Variants in SPEG observed in about 807,000 individuals in gnomAD.
SPEG encodes striated muscle preferentially expressed protein kinase.
SPEG carries 114 observed loss-of-function variants against 300.4 expected under a neutral mutation model. The ratio of observed to expected loss-of-function variants is 0.38; its 90% CI spans 0.33 to 0.44. SPEG has a LOEUF of 0.44. Ranked by LOEUF, SPEG falls within the 20% of genes least tolerant of loss-of-function variation. The pLI is 1.00. For synonymous variants in SPEG, 1,964 were observed against 2,018.9 expected, an observed-to-expected ratio of 0.97 and a Z score of 0.73; for missense variants, 4,201 against 4,586.2, an observed-to-expected ratio of 0.92 and a Z score of 2.43.
chr2:219,485,069 T>A lies in SPEG; in HGVS notation c.7606T>A (p.Ser2536Thr), dbSNP rs1028052741. ...CGAGGCCAGCGCCACGTCGGGCTCC[T>A]CAGGTGAGGAGGGGCAGGGGTAGGG... ...GSEASATSGS[S>T]APGESRSRLR... The change falls in exon 30 of 41, where the codon TCA becomes ACA. Residue 2536 changes from serine to threonine, a missense_variant. Ser to Thr is a moderately conservative substitution (Grantham distance 58, BLOSUM62 1). This residue lies in a region of SPEG where 1,578 missense variants were observed against 1,506.0 expected (regional missense o/e 1.05). Coordinates refer to ENST00000312358, the MANE Select transcript of SPEG (RefSeq NM_005876.5). The A allele has an allele frequency of 6.5e-7, 1 of 1,531,898 alleles. No homozygotes were observed. The highest frequency in any genetic ancestry group is 8.7e-7 in the Non-Finnish European group (1 of 1,145,826). 94.9% of individuals were successfully genotyped at this position (1,531,898 alleles called of 1,614,324 possible).
chr2:219,450,519 C>T (rs777540615), intron 4 of SPEG, among the ~76,000 whole-genome samples: 3 of 152,206 alleles, frequency 2.0e-5, no homozygotes, highest in Non-Finnish European at 4.4e-5. Flanking sequence ...AAGCAGGGAC[C>T]ACTGGTCCTT....
Position 219,484,137 on chromosome 2 carries a change from C to T in SPEG, c.6674C>T (p.Ala2225Val), listed in dbSNP as rs200434656. 2.2e-5 allele frequency: 35 copies of T among 1,613,528 alleles called. No homozygotes were observed. The highest frequency in any genetic ancestry group is 1.7e-6 in the Non-Finnish European group (2 of 1,179,944). ...GAGCCCAGGCCAGAACCAGTCCGAG[C>T]CTCCAAGCCTGCACCACCCCCCCAG... ...APEPRPEPVRASKPAPPPQAL... is the reference protein window; with the variant it reads ...APEPRPEPVRVSKPAPPPQAL... Residue 2225 changes from alanine (A) to valine (V), a missense_variant, in exon 30 of 41, where the codon GCC (alanine) becomes GTC (valine). By Grantham distance (64) the Ala-to-Val change is moderately conservative. Transcript: ENST00000312358.
In SPEG at chr2:219,452,650, C is replaced by T. The variant is rs114397515; in HGVS notation, c.2440+843C>T. On this transcript the variant is annotated intron_variant, in intron 6 of 40. Transcript: ENST00000312358. ...AGTGCGGAGCAGATGGATCTAGTGCCGAGGACATCCGAGCCGTTGCTTAGT... is the reference window on the plus strand; with the variant it reads ...AGTGCGGAGCAGATGGATCTAGTGCTGAGGACATCCGAGCCGTTGCTTAGT... Among the ~76,000 whole-genome samples, 1,380 of 152,066 alleles carry T rather than the reference C, an allele frequency of 9.1e-3. 15 individuals carry two copies. The highest frequency in any genetic ancestry group is 0.032 in the African/African-American group (1,321 of 41,472).
At position 219,480,115 on chromosome 2, in the gene SPEG, C is replaced by T. The variant is rs756835174; in HGVS notation, c.5317C>T (p.Pro1773Ser). The T allele has an allele frequency of 3.1e-6, 5 of 1,613,936 alleles. No homozygotes were observed. In the East Asian group the frequency reaches 1.1e-4, roughly 36 times the overall value. ...AGCACCCGAGATTGTCAATCAGAGC[C>T]CCGTGTCTGGAGTCACTGACATCTG... The part of the protein sequence containing the change: ...FVAPEIVNQS[P>S]VSGVTDIWPV... Residue 1773 changes from proline (P) to serine (S), a missense_variant, in exon 25 of 41, where the codon CCC becomes TCC. Pro to Ser is a moderately conservative substitution (Grantham distance 74). Coordinates refer to ENST00000312358, the MANE Select transcript of SPEG (RefSeq NM_005876.5). This position sits in a 1 kb window ranked among gnomAD's most constrained non-coding sequence, Gnocchi z 5.3.
intron 1 of SPEG, among the ~76,000 whole-genome samples, chr2:219,436,094 C>T (rs769481721): frequency 1.4e-4 from 21 of 152,214 alleles, no homozygotes; most frequent in Admixed American, 1.2e-3. Flanking sequence ...TGGGAAGCTC[C>T]TGGACCATGT....
chr2:219,477,796 A>G lies in SPEG; in HGVS notation c.4826+11A>G. 6.2e-7 allele frequency: 1 copy of G among 1,601,076 alleles called. No homozygotes were observed. The highest frequency in any genetic ancestry group is 8.5e-7 in the Non-Finnish European group (1 of 1,171,770). On this transcript the variant is annotated intron_variant, in intron 21 of 40. Coordinates refer to ENST00000312358, the MANE Select transcript of SPEG (RefSeq NM_005876.5). The surrounding 1 kb of genome is among the most constrained non-coding windows in gnomAD (Gnocchi z 6.4). ...CCAGGAGATCGGCAGGTGTGGGGCTAGGAGGGAAGCCAGTGGGGGCCGAGA... is the reference window on the plus strand; with the variant it reads ...CCAGGAGATCGGCAGGTGTGGGGCTGGGAGGGAAGCCAGTGGGGGCCGAGA...
rs1255478129 is a variant in SPEG at position 219,488,633 on chromosome 2, G to A, written c.7994G>A (p.Ser2665Asn). 11 of 1,608,930 alleles carry A rather than the reference G, an allele frequency of 6.8e-6. No homozygotes were observed. In the Admixed American group the frequency reaches 1.8e-4, roughly 27 times the overall value. Residue 2665 changes from serine (S) to asparagine (N), a missense_variant, in exon 33 of 41, where the codon AGC becomes AAC. By Grantham distance (46) the Ser-to-Asn change is conservative (BLOSUM62 1). Transcript: ENST00000312358. ...YECSATNVLG[S>N]ITSSCTVAVA... ...TGCTCGGCCACCAACGTACTGGGCAGCATCACCAGCTCCTGTACCGTGGCT... is the reference window on the plus strand; with the variant it reads ...TGCTCGGCCACCAACGTACTGGGCAACATCACCAGCTCCTGTACCGTGGCT...
At position 219,492,712 on chromosome 2, in the gene SPEG, G is replaced by C; in HGVS notation, c.9730G>C (p.Glu3244Gln). The change falls in exon 41 of 41, where the codon GAG becomes CAG. Residue 3244 changes from glutamate to glutamine, a missense_variant. By Grantham distance (29) the Glu-to-Gln change is conservative. Coordinates refer to ENST00000312358, the MANE Select transcript of SPEG (RefSeq NM_005876.5). ...TTNRLKEFLG[E>Q]QRRRRAEAAT... Reference sequence around the variant, plus strand: ...CAACCGGCTCAAGGAGTTCCTGGGCGAGCAGCGGCGGCGCCGGGCTGAGGC... The same window carrying C: ...CAACCGGCTCAAGGAGTTCCTGGGCCAGCAGCGGCGGCGCCGGGCTGAGGC... 1 of 1,605,252 alleles carries C rather than the reference G, an allele frequency of 6.2e-7. No individual in the cohort carries two copies. The highest frequency in any genetic ancestry group is 8.5e-7 in the Non-Finnish European group (1 of 1,179,524).
In SPEG at chr2:219,484,786, C is replaced by A. The variant is rs1456436862; in HGVS notation, c.7323C>A (p.Gly2441=). 16 of 1,468,010 alleles carry A rather than the reference C, an allele frequency of 1.1e-5. No individual in the cohort carries two copies. Among genetic ancestry groups the A allele is most frequent in the Non-Finnish European group, 1.3e-5 (15 of 1,120,684 alleles). The allele number at this position is 1,468,010 out of a possible 1,614,324, so 90.9% of individuals were successfully genotyped here. A position where few individuals can be genotyped will look rare whatever the true frequency, so the allele number is the denominator to read the frequency against. The change falls in exon 30 of 41, where the codon GGC becomes GGA. Residue 2441 remains glycine, a synonymous_variant. Coordinates refer to ENST00000312358, the MANE Select transcript of SPEG (RefSeq NM_005876.5). The stretch of plus-strand genomic sequence containing the variant: ...GCGGGGACGGAGAGAGCTCGGAGGG[C>A]GGGAGCTCGGCGCGGGGCTCCCCGG... The part of the protein sequence containing the change: ...ARGGDGESSE[G]GSSARGSPVL...
Position 219,475,994 on chromosome 2 carries a change from T to G in SPEG, c.4448-876T>G, listed in dbSNP as rs545238806. Among the ~76,000 whole-genome samples, 128 of 138,654 alleles carry G rather than the reference T, an allele frequency of 9.2e-4. 2 individuals are homozygous for G. Among genetic ancestry groups the G allele is most frequent in the Non-Finnish European group, 1.2e-3 (77 of 63,682 alleles). The allele number at this position is 138,654 out of a possible 152,430, so 91.0% of individuals were successfully genotyped here. On this transcript the variant is annotated intron_variant, in intron 18 of 40. Transcript: ENST00000312358. ...TCCCAAGTGCCTGACTCATCCTACT[T>G]CTCCTCAGTCTGAGATGCTCAAACA...
In SPEG at chr2:219,479,970, C is replaced by A; in HGVS notation, c.5172C>A (p.Asn1724Lys). ...HVLHLDVKPE[N>K]LLVWDGAAGE... The stretch of plus-strand genomic sequence containing the variant: ...CGCCTTGTGTCTTCCAGCCTGAGAA[C>A]CTGCTGGTGTGGGATGGTGCTGCGG... Residue 1724 changes from asparagine (N) to lysine (K), a missense_variant, in exon 25 of 41, where the codon AAC becomes AAA. Physicochemically the swap from Asn to Lys is moderately conservative, Grantham distance 94. This residue lies in a region of SPEG where 1,047 missense variants were observed against 1,356.8 expected (regional missense o/e 0.77). Coordinates refer to ENST00000312358, the MANE Select transcript of SPEG (RefSeq NM_005876.5). This position sits in a 1 kb window ranked among gnomAD's most constrained non-coding sequence, Gnocchi z 5.5. The A allele has an allele frequency of 6.2e-7, 1 of 1,614,214 alleles. No homozygotes were observed. Among genetic ancestry groups the A allele is most frequent in the Non-Finnish European group, 8.5e-7 (1 of 1,180,034 alleles).
rs1229341614 is a variant in SPEG, at chr2:219,473,984, C to CT, written c.4447+82dup. On this transcript the variant is annotated intron_variant, in intron 18 of 40. Coordinates refer to ENST00000312358, the MANE Select transcript of SPEG (RefSeq NM_005876.5). This position sits in a 1 kb window ranked among gnomAD's most constrained non-coding sequence, Gnocchi z 4.6. ...TCACACCCCCAGGTACACAACCTGC[C>CT]TGACACTGCTGCAGATCCAAACCCA... 6.9e-7 allele frequency: 1 copy of CT among 1,441,014 alleles called. No individual in the cohort carries two copies. Among genetic ancestry groups the CT allele is most frequent in the Non-Finnish European group, 9.4e-7 (1 of 1,066,930 alleles). The allele number at this position is 1,441,014 out of a possible 1,614,324, so 89.3% of individuals were successfully genotyped here. A position where few individuals can be genotyped will look rare whatever the true frequency, so the allele number is the denominator to read the frequency against.
At position 219,448,758 on chromosome 2, in the gene SPEG, C is replaced by G. The variant is rs1689511830; in HGVS notation, c.1600C>G (p.Pro534Ala). ...ATCCCCTCGAGAGCCCGGCGAGCCC[C>G]CGCTCTTCTCTCGGCCCTCCACCCC... is the stretch of plus-strand genomic sequence containing the variant. ...APSPREPGEP[P>A]LFSRPSTPKT... Residue 534 changes from proline to alanine, a missense_variant, in exon 4 of 41, where the codon CCG (proline) becomes GCG (alanine). Pro to Ala is a conservative substitution (Grantham distance 27). Around this residue, in one of 4 missense-constraint regions of SPEG, gnomAD observed 1,258 missense variants for 1,293.9 expected, o/e 0.97. Transcript: ENST00000312358. The G allele has an allele frequency of 6.1e-6, 9 of 1,463,440 alleles. No individual in the cohort carries two copies. Among genetic ancestry groups the G allele is most frequent in the Non-Finnish European group, 8.1e-6 (9 of 1,114,278 alleles). 90.7% of individuals were successfully genotyped at this position (1,463,440 alleles called of 1,614,324 possible).
Position 219,445,466 on chromosome 2 carries a change from C to T in SPEG, c.815+305C>T. On this transcript the variant is annotated intron_variant, in intron 3 of 40. Coordinates refer to ENST00000312358, the MANE Select transcript of SPEG (RefSeq NM_005876.5). The surrounding 1 kb of genome is among the most constrained non-coding windows in gnomAD (Gnocchi z 6.1). ...GTTTCTCAGGGGCCCTCTTTTGCCT[C>T]ACCCATTTGGGCTCCAGTTGTCCCC... The T allele has an allele frequency of 2.2e-6, 1 of 458,942 alleles. No individual in the cohort carries two copies. Among genetic ancestry groups the T allele is most frequent in the Non-Finnish European group, 3.9e-6 (1 of 254,978 alleles). 28.4% of individuals were successfully genotyped at this position (458,942 alleles called of 1,614,324 possible).
At chr2:219,442,184 C>T in intron 1 of SPEG, 1 of 770,116 alleles carries the variant, frequency 1.3e-6, no homozygotes, top group Non-Finnish European at 1.7e-6. Context: ...GGAGGGGGCG[C>T]TGGATCGGCG....
chr2:219,485,407 G>A lies in SPEG; in HGVS notation c.7671G>A (p.Gly2557=), dbSNP rs377683225. Residue 2557 remains glycine, a synonymous_variant, in exon 31 of 41, where the codon GGG becomes GGA. Coordinates refer to ENST00000312358, the MANE Select transcript of SPEG (RefSeq NM_005876.5). ...WGFSRPRKDK[G]LSPPNLSASV... ...TCTCTCGGCCGCGGAAGGACAAGGG[G>A]TTATCGCCACCAAACCTCTCTGCCA... 11 of 1,608,172 alleles carry A rather than the reference G, an allele frequency of 6.8e-6. No individual in the cohort carries two copies. In the African/African-American group the frequency reaches 9.4e-5, roughly 14 times the overall value.
chr2:219,487,222 T>C (rs542118372), intron 31 of SPEG, among the ~76,000 whole-genome samples: 4 of 151,966 alleles, frequency 2.6e-5, no homozygotes, highest in East Asian at 3.9e-4. Context: ...GCTGGCTACA[T>C]TGGAGGAAGG....
In SPEG at chr2:219,481,125, G is replaced by T. The variant is rs753835440; in HGVS notation, c.5370-179G>T. ...GCAGCACCACCTCCCTGCCCATCAG[G>T]GGGGCTGGGGAGGGGACAGGGCAGG... On this transcript the variant is annotated intron_variant, in intron 26 of 40. Coordinates refer to ENST00000312358, the MANE Select transcript of SPEG (RefSeq NM_005876.5). This position sits in a 1 kb window ranked among gnomAD's most constrained non-coding sequence, Gnocchi z 5.4. 4.6e-5 allele frequency among the ~76,000 whole-genome samples: 7 copies of T among 152,146 alleles called. No individual in the cohort carries two copies. Among genetic ancestry groups the T allele is most frequent in the Non-Finnish European group, 8.8e-5 (6 of 68,018 alleles).
rs1041867572 is a variant in SPEG, at chr2:219,489,672, C to G, written c.8654C>G (p.Ala2885Gly). Residue 2885 changes from alanine (A) to glycine (G), a missense_variant, in exon 36 of 41, where the codon GCC (alanine) becomes GGC (glycine). Ala to Gly is a moderately conservative substitution (Grantham distance 60). This residue lies in a region of SPEG where 1,578 missense variants were observed against 1,506.0 expected (regional missense o/e 1.05). Coordinates refer to ENST00000312358, the MANE Select transcript of SPEG (RefSeq NM_005876.5). ...CTTGACACTGGGACCCCGATCCCAG[C>G]CTCCACTCCTCAAGGGGTTAAACCA... is the stretch of plus-strand genomic sequence containing the variant. The part of the protein sequence containing the change: ...FVLDTGTPIP[A>G]STPQGVKPVS... The G allele has an allele frequency of 1.9e-6, 3 of 1,614,088 alleles. No individual in the cohort carries two copies. The highest frequency in any genetic ancestry group is 2.5e-6 in the Non-Finnish European group (3 of 1,180,010).
Sources: allele counts gnomAD v4.1 joint callset (sites outside exome capture counted in the v4.1 genomes callset), GRCh38; gene constraint gnomAD v4.1.1; regional missense constraint gnomAD v4.1.1; non-coding constraint Gnocchi (gnomAD v3.1); transcripts MANE v1.5; gene names NCBI Gene and HGNC (gene_info 2026-07-23, HGNC 2026-07-21).